Variants in TCF4 observed in about 807,000 individuals in gnomAD.
TCF4 encodes the protein transcription factor 4, also known as SL3-3 enhancer factor 2.
TCF4 carries 3 observed loss-of-function variants against 82.1 expected under a neutral mutation model. The observed-to-expected ratio is 0.04, with a 90% CI of 0.02 to 0.09. The LOEUF (loss-of-function observed/expected upper bound fraction) is 0.09. Among genes scored for constraint, TCF4 ranks in the 10% least tolerant of loss-of-function variants. TCF4 has a pLI of 1.00. For synonymous variants in TCF4, 276 were observed against 309.6 expected (o/e 0.89, Z 1.14); for missense variants, 518 against 852.7 (o/e 0.61, Z 4.89).
chr18:55,249,203 T>G (rs1321499334), intron 15 of TCF4, among the ~76,000 whole-genome samples: 1 of 152,222 alleles, frequency 6.6e-6, no homozygotes, highest in Non-Finnish European at 1.5e-5. Context: ...CAAGGAAAAC[T>G]AACTGAAGTT....
At chr18:55,369,623 C>T (rs2088334681) in intron 6 of TCF4, among the ~76,000 whole-genome samples, 1 of 152,194 alleles carries the variant, frequency 6.6e-6, no homozygotes, top group Admixed American at 6.5e-5. Context: ...CCTGTGAATT[C>T]ATGCTGCCCT....
At chr18:55,245,254 T>C (rs2052669561) in intron 15 of TCF4, among the ~76,000 whole-genome samples, 7 of 152,140 alleles carry the variant, frequency 4.6e-5, no homozygotes, top group Admixed American at 4.6e-4. Context: ...ATTTGAAAAA[T>C]TTACAGCCAT....
intron 17 of TCF4, chr18:55,229,353 T>C: frequency 2.1e-6 from 1 of 484,816 alleles, no homozygotes; most frequent in East Asian, 4.0e-5. Flanking sequence ...CCCATACTGA[T>C]ACAGGGGGGC....
chr18:55,314,798 A>C (rs973956408), intron 8 of TCF4, among the ~76,000 whole-genome samples: 1 of 151,968 alleles, frequency 6.6e-6, no homozygotes, highest in African/African-American at 2.4e-5. Context: ...CAGTAATAGG[A>C]CTGTGGTTGG....
chr18:55,585,511 A>G (rs2097633353), intron 2 of TCF4, 159 bp from the exon 3 acceptor site: 1 of 736,096 alleles, frequency 1.4e-6, no homozygotes, highest in Non-Finnish European at 2.3e-6. Flanking sequence ...AAAGAGAAAC[A>G]ACATTACAGA....
chr18:55,321,254 C>A lies in TCF4; in HGVS notation c.549+29105G>T, dbSNP rs2075419245. 6 of 212,542 alleles carry A rather than the reference C, an allele frequency of 2.8e-5. No individual in the cohort carries two copies. In the South Asian group the frequency reaches 4.5e-4, roughly 16 times the overall value. 13.2% of individuals were successfully genotyped at this position (212,542 alleles called of 1,614,324 possible). On this transcript the variant is annotated intron_variant, in intron 8 of 19. Transcript: ENST00000354452. The stretch of plus-strand genomic sequence containing the variant: ...AAACCTCAATCCAGGGAGAAACTTA[C>A]CCCAAATTTCCTCTCAGCCTAACTT...
chr18:55,605,284 A>C (rs1327542111), intron 2 of TCF4, among the ~76,000 whole-genome samples: 2 of 152,146 alleles, frequency 1.3e-5, no homozygotes, highest in Non-Finnish European at 2.9e-5. Context: ...GTGTGAGCTG[A>C]AAGAGCCGCA....
intron 8 of TCF4, among the ~76,000 whole-genome samples, chr18:55,296,156 G>T (rs2066450310): frequency 6.6e-6 from 1 of 150,946 alleles, no homozygotes; most frequent in South Asian, 2.1e-4. Flanking sequence ...AAATAGGAAA[G>T]ATGAAATCTA....
chr18:55,589,604 T>G, upstream of TCF4: 4 of 1,045,492 alleles, frequency 3.8e-6, no homozygotes, highest in Non-Finnish European at 4.6e-6. Context: ...GTTATAATTT[T>G]TCCTCAAACA....
intron 8 of TCF4, among the ~76,000 whole-genome samples, chr18:55,281,925 T>C (rs2062690004): frequency 6.6e-6 from 1 of 152,024 alleles, no homozygotes; most frequent in East Asian, 1.9e-4. Context: ...TTTTAGGATA[T>C]ATTATAGTAT....
chr18:55,333,786 G>C (rs2078067960), intron 8 of TCF4, among the ~76,000 whole-genome samples: 1 of 152,136 alleles, frequency 6.6e-6, no homozygotes, highest in Non-Finnish European at 1.5e-5. Context: ...GGCAGGACGA[G>C]GTTTATTTTA....
At chr18:55,429,537 C>T (rs1238445500) in intron 5 of TCF4, among the ~76,000 whole-genome samples, 20 of 152,092 alleles carry the variant, frequency 1.3e-4, no homozygotes, top group Admixed American at 1.3e-3. Context: ...CCAAGACCAG[C>T]GGATCACAAG....
At chr18:55,380,180 C>T (rs1195547391) in intron 6 of TCF4, among the ~76,000 whole-genome samples, 1 of 152,112 alleles carries the variant, frequency 6.6e-6, no homozygotes, top group African/African-American at 2.4e-5. Context: ...CCACGAGGGT[C>T]CTCTTTCTGA....
chr18:55,635,941 G>A, exon 1 of TCF4: 3 of 1,583,484 alleles, frequency 1.9e-6, no homozygotes, highest in South Asian at 1.1e-5. Flanking sequence ...TACAAGAAAG[G>A]TGATACTGTA....
chr18:55,608,956 G>A lies in TCF4; in HGVS notation c.287-21820C>T, dbSNP rs187382654. On this transcript the variant is annotated intron_variant, in intron 2 of 20. Transcript: ENST00000398339. Reference sequence around the variant, plus strand: ...TGGCATTTGGAGGTGAGGAGGTAACGAGGTCAGGAAGGTAGAGCACTCAGG... The same window carrying A: ...TGGCATTTGGAGGTGAGGAGGTAACAAGGTCAGGAAGGTAGAGCACTCAGG... Among the ~76,000 whole-genome samples, 10 of 152,218 alleles carry A rather than the reference G, an allele frequency of 6.6e-5. No individual in the cohort carries two copies. In the East Asian group the frequency reaches 1.7e-3, roughly 27 times the overall value.
At position 55,403,476 on chromosome 18, in the gene TCF4, G is replaced by A. The variant is rs1239308094; in HGVS notation, c.347C>T (p.Ser116Leu). 4 of 1,613,670 alleles carry A rather than the reference G, an allele frequency of 2.5e-6. No individual in the cohort carries two copies. In the African/African-American group the frequency reaches 4.0e-5, roughly 16 times the overall value. Residue 116 changes from serine to leucine, a missense_variant, in exon 6 of 20, where the codon TCA (serine) becomes TTA (leucine). Physicochemically the swap from Ser to Leu is moderately radical, Grantham distance 145. Around this residue, in one of 7 missense-constraint regions of TCF4, gnomAD observed 80 missense variants for 93.8 expected, o/e 0.85. Coordinates refer to ENST00000354452, the MANE Select transcript of TCF4 (RefSeq NM_001083962.2). ...RGSYSSYGRE[S>L]NLQGCHQQSL... ...TACCTGGTGGCAACCCTGTAAGTTT[G>A]ATTCTCTCCCATAAGATGAGTATGA...
At chr18:55,247,342 T>C (rs927533025) in intron 15 of TCF4, among the ~76,000 whole-genome samples, 1 of 152,192 alleles carries the variant, frequency 6.6e-6, no homozygotes, top group Admixed American at 6.5e-5. Flanking sequence ...GGGAAACCAT[T>C]AAACAGGAAT....
intron 6 of TCF4, among the ~76,000 whole-genome samples, chr18:55,364,509 T>C (rs2086309019): frequency 6.6e-6 from 1 of 152,246 alleles, no homozygotes; most frequent in South Asian, 2.1e-4. Flanking sequence ...CTGTGGTTTA[T>C]ATTTGTTATA....
intron 6 of TCF4, chr18:55,401,253 A>G (rs1318529502): frequency 1.7e-6 from 2 of 1,188,602 alleles, no homozygotes; most frequent in African/African-American, 1.6e-5. Flanking sequence ...TCCCTCTGTC[A>G]GCAAATTTCC....
Sources: allele counts gnomAD v4.1 joint callset (sites outside exome capture counted in the v4.1 genomes callset), GRCh38; gene constraint gnomAD v4.1.1; regional missense constraint gnomAD v4.1.1; transcripts MANE v1.5; gene names NCBI Gene and HGNC (gene_info 2026-07-23, HGNC 2026-07-21).